Variants in VCF2 observed in about 807,000 individuals in gnomAD.
VCF2 encodes VCP nuclear cofactor family member 2, also known as protein VCF2.
At chrX:55,156,577 G>A in the VCF2 span, among the ~76,000 whole-genome samples, 1 of 112,160 alleles carries the variant, frequency 8.9e-6, no homozygotes, top group African/African-American at 3.2e-5. Flanking sequence ...TAATTAGGTT[G>A]TTGAATTACA....
At chrX:55,145,439 C>G in the VCF2 span, 1 of 753,734 alleles carries the variant, frequency 1.3e-6, no homozygotes, top group Non-Finnish European at 1.6e-6. Context: ...AACATTCTCC[C>G]TGGAAATACA....
chrX:55,151,528 A>C, the VCF2 span, among the ~76,000 whole-genome samples: 1 of 112,820 alleles, frequency 8.9e-6, no homozygotes, highest in Non-Finnish European at 1.9e-5. Context: ...GTTCCAGCAA[A>C]ACAAAAGAGC....
chrX:55,144,105 A>G, the VCF2 span, among the ~76,000 whole-genome samples: 1 of 111,122 alleles, frequency 9.0e-6, no homozygotes, highest in Admixed American at 9.5e-5. Context: ...TATCTTTGAT[A>G]TCTTTAAATA....
chrX:55,145,137 C>G, the VCF2 span: 1 of 157,145 alleles, frequency 6.4e-6, no homozygotes, highest in Admixed American at 9.4e-5. Context: ...GCCCCCTAAT[C>G]TCTGGGAAAG....
the VCF2 span, among the ~76,000 whole-genome samples, chrX:55,144,037 T>G: frequency 9.0e-6 from 1 of 111,458 alleles, no homozygotes; most frequent in African/African-American, 3.3e-5. Context: ...GTAATTGCTT[T>G]ATTATTATTA....
chrX:55,157,387 G>A, the VCF2 span, among the ~76,000 whole-genome samples: 1 of 111,464 alleles, frequency 9.0e-6, no homozygotes, highest in Non-Finnish European at 1.9e-5. Context: ...ACGAAAACTA[G>A]CCGGCCATGG....
chrX:55,153,545 T>C, the VCF2 span, among the ~76,000 whole-genome samples: 2 of 107,843 alleles, frequency 1.9e-5, no homozygotes, highest in Non-Finnish European at 3.8e-5. Flanking sequence ...GTATTTTTAG[T>C]AGAGATGGGG....
the VCF2 span, among the ~76,000 whole-genome samples, chrX:55,160,017 C>T: frequency 8.9e-6 from 1 of 111,820 alleles, no homozygotes; most frequent in Non-Finnish European, 1.9e-5. Flanking sequence ...TTAATCAATT[C>T]TCATCTCTAG....
the VCF2 span, among the ~76,000 whole-genome samples, chrX:55,152,817 T>A: frequency 8.9e-6 from 1 of 111,918 alleles, no homozygotes; most frequent in South Asian, 3.8e-4. Flanking sequence ...ACAGTTCTGT[T>A]GAATTTTACC....
the VCF2 span, chrX:55,160,847 G>A: frequency 8.7e-7 from 1 of 1,155,484 alleles, no homozygotes; most frequent in East Asian, 3.3e-5. Context: ...CCGCCTCCAG[G>A]GCTTGTAAGG....
At chrX:55,161,184 G>A in the VCF2 span, 2 of 1,198,571 alleles carry the variant, frequency 1.7e-6, no homozygotes, top group Non-Finnish European at 2.3e-6. Context: ...CATAGCAACC[G>A]CGCAGGAAGT....
At chrX:55,147,642 T>G in the VCF2 span, among the ~76,000 whole-genome samples, 9 of 96,770 alleles carry the variant, frequency 9.3e-5, no homozygotes, top group Admixed American at 5.6e-4. Context: ...TTGTTTTTTT[T>G]TTTTTTTTTT....
At chrX:55,148,002 T>C in the VCF2 span, among the ~76,000 whole-genome samples, 1 of 111,124 alleles carries the variant, frequency 9.0e-6, no homozygotes, top group Admixed American at 9.6e-5. Context: ...TTATAGTGCA[T>C]GCATTCATAC....
the VCF2 span, chrX:55,143,396 C>T: frequency 8.7e-6 from 1 of 114,611 alleles, no homozygotes; most frequent in East Asian, 2.7e-4. Context: ...ATTGTGTTTA[C>T]AAGGAATTGG....
the VCF2 span, among the ~76,000 whole-genome samples, chrX:55,147,634 GTTTTT>G: frequency 1.3e-4 from 7 of 54,092 alleles, no homozygotes; most frequent in Non-Finnish European, 1.9e-4. Context: ...GGCTTTCCTT[GTTTTT>G]TTTTTTTTTT....
the VCF2 span, chrX:55,160,741 A>G: frequency 1.1e-6 from 1 of 878,420 alleles, no homozygotes; most frequent in Non-Finnish European, 1.6e-6. Context: ...TTGCTAGGGT[A>G]CCTAGCAGCC....
chrX:55,143,701 C>T, the VCF2 span: 2 of 791,657 alleles, frequency 2.5e-6, no homozygotes, highest in South Asian at 5.5e-5. Context: ...GGAAGCCCAG[C>T]TGGAACCTCC....
the VCF2 span, among the ~76,000 whole-genome samples, chrX:55,150,753 C>T: frequency 9.0e-6 from 1 of 111,256 alleles, no homozygotes; most frequent in African/African-American, 3.3e-5. Context: ...CTGACAGGTA[C>T]TCTTGAATGC....
the VCF2 span, among the ~76,000 whole-genome samples, chrX:55,158,740 G>A: frequency 1.8e-5 from 2 of 111,573 alleles, no homozygotes; most frequent in Non-Finnish European, 3.8e-5. Context: ...CAAAAATCAT[G>A]AGACTGCCCC....
Sources: allele counts gnomAD v4.1 joint callset (sites outside exome capture counted in the v4.1 genomes callset), GRCh38; gene constraint gnomAD v4.1.1; transcripts MANE v1.5; gene names NCBI Gene and HGNC (gene_info 2026-07-23, HGNC 2026-07-21).